ZNF609: variants seen among roughly 807,000 people sequenced by gnomAD.
ZNF609 encodes the protein zinc finger protein 609.
Under a neutral mutation model 109.5 loss-of-function variants are expected in ZNF609, and 11 were observed. The ratio of observed to expected loss-of-function variants is 0.10; its 90% CI spans 0.06 to 0.17. The LOEUF (loss-of-function observed/expected upper bound fraction) is 0.17. Ranked by LOEUF, ZNF609 falls within the 10% of genes least tolerant of loss-of-function variation. The pLI is 1.00. For synonymous variants in ZNF609, 646 were observed against 662.0 expected (o/e 0.98, Z 0.37); for missense variants, 1,559 against 1,772.4 (o/e 0.88, Z 2.16).
rs914624653 is a variant in ZNF609 at position 64,682,140 on chromosome 15, C to T, written c.*454C>T. 1.3e-5 allele frequency: 2 copies of T among 152,418 alleles called. No individual in the cohort carries two copies. The highest frequency in any genetic ancestry group is 4.8e-5 in the African/African-American group (2 of 41,396). The allele number at this position is 152,418 out of a possible 1,614,324, so 9.4% of individuals were successfully genotyped here. On this transcript the variant is annotated 3_prime_UTR_variant, in exon 10 of 10. Transcript: ENST00000326648. ...GACAGCACAGCAGCCATACCCCTCACCATCATTACCACCATCACCAGATTC... is the reference window on the plus strand; with the variant it reads ...GACAGCACAGCAGCCATACCCCTCATCATCATTACCACCATCACCAGATTC...
At chr15:64,468,541 T>G (rs377464857) in intron 1 of ZNF609, among the ~76,000 whole-genome samples, 1 of 152,082 alleles carries the variant, frequency 6.6e-6, no homozygotes, top group African/African-American at 2.4e-5. Flanking sequence ...CATGAGCCAC[T>G]GTGACCAGCC....
At chr15:64,512,574 G>A (rs570333525) in intron 2 of ZNF609, among the ~76,000 whole-genome samples, 99 of 152,246 alleles carry the variant, frequency 6.5e-4, no homozygotes, top group African/African-American at 2.3e-3. Context: ...TGCATTCAAA[G>A]TAAACATGCT....
At chr15:64,490,863 T>C (rs1893403501) in intron 1 of ZNF609, among the ~76,000 whole-genome samples, 1 of 152,182 alleles carries the variant, frequency 6.6e-6, no homozygotes. Context: ...ATGAAACAGG[T>C]CAAGCCTTGT....
At chr15:64,611,788 C>A (rs1595738724) in intron 2 of ZNF609, among the ~76,000 whole-genome samples, 2 of 151,220 alleles carry the variant, frequency 1.3e-5, no homozygotes, top group African/African-American at 4.9e-5. Flanking sequence ...GGCTGGAGTG[C>A]AGTGGCGCAA....
Position 64,540,988 on chromosome 15 carries a change from A to C in ZNF609, c.747+40822A>C, listed in dbSNP as rs562376207. Among the ~76,000 whole-genome samples, 3 of 142,698 alleles carry C rather than the reference A, an allele frequency of 2.1e-5. No homozygotes were observed. The Admixed American group carries it at 2.1e-4, about 10-fold the overall frequency. 93.6% of individuals were successfully genotyped at this position (142,698 alleles called of 152,430 possible). On this transcript the variant is annotated intron_variant, in intron 2 of 9. Coordinates refer to ENST00000326648, the MANE Select transcript of ZNF609 (RefSeq NM_015042.2). ...GCTTGCAGTGAGCCGGGATCGCGCC[A>C]CTGCACTCCAGCCTGGGCGACAGAG...
intron 4 of ZNF609, among the ~76,000 whole-genome samples, chr15:64,672,396 G>C (rs1472214082): frequency 2.0e-5 from 3 of 149,910 alleles, no homozygotes; most frequent in African/African-American, 2.4e-5. Context: ...AGGCTGAGGC[G>C]GGTGGATCAC....
chr15:64,565,788 T>A (rs1276278699), intron 2 of ZNF609, among the ~76,000 whole-genome samples: 2 of 152,232 alleles, frequency 1.3e-5, no homozygotes, highest in East Asian at 3.8e-4. Flanking sequence ...GAGTACTTAC[T>A]TTACACTGAC....
At chr15:64,670,004 A>G (rs1431895348) in intron 3 of ZNF609, among the ~76,000 whole-genome samples, 2 of 152,136 alleles carry the variant, frequency 1.3e-5, no homozygotes, top group East Asian at 1.9e-4. Context: ...GTGTGGTGAC[A>G]TGCTCTTGTG....
chr15:64,664,272 A>G (rs1248026464), intron 3 of ZNF609, among the ~76,000 whole-genome samples: 1 of 152,076 alleles, frequency 6.6e-6, no homozygotes, highest in Non-Finnish European at 1.5e-5. Flanking sequence ...CTAGTGCCTC[A>G]TACATGTCAT....
intron 2 of ZNF609, among the ~76,000 whole-genome samples, chr15:64,549,580 A>C (rs557785521): frequency 2.6e-5 from 4 of 152,294 alleles, no homozygotes; most frequent in Admixed American, 1.3e-4. Flanking sequence ...TGAGACATAG[A>C]GCAGTTAGGT....
At position 64,681,383 on chromosome 15, in the gene ZNF609, G is replaced by T; in HGVS notation, c.*1G>T. 1.2e-6 allele frequency: 2 copies of T among 1,613,570 alleles called. No individual in the cohort carries two copies. The highest frequency in any genetic ancestry group is 1.7e-6 in the Non-Finnish European group (2 of 1,179,634). ...ACTCTACCCACCCCCCAGGAGGTGAGAATGGTAAGTCACTTTTATTAATTT... is the reference window on the plus strand; with the variant it reads ...ACTCTACCCACCCCCCAGGAGGTGATAATGGTAAGTCACTTTTATTAATTT... On this transcript the variant is annotated 3_prime_UTR_variant, in exon 9 of 10. Coordinates refer to ENST00000326648, the MANE Select transcript of ZNF609 (RefSeq NM_015042.2).
chr15:64,462,860 GATT>G (rs1481573895), intron 1 of ZNF609, among the ~76,000 whole-genome samples: 3 of 152,218 alleles, frequency 2.0e-5, no homozygotes, highest in Non-Finnish European at 4.4e-5. Flanking sequence ...GGGTCTTAGG[GATT>G]ATTAGTGAGA....
chr15:64,543,735 C>T (rs761111524), intron 2 of ZNF609, among the ~76,000 whole-genome samples: 3 of 152,166 alleles, frequency 2.0e-5, no homozygotes, highest in Non-Finnish European at 2.9e-5. Context: ...TAAGCCACCA[C>T]GCTCAGCCTC....
intron 2 of ZNF609, among the ~76,000 whole-genome samples, chr15:64,535,374 G>A (rs1479667000): frequency 6.6e-6 from 1 of 152,174 alleles, no homozygotes; most frequent in African/African-American, 2.4e-5. Context: ...CGTACCATAT[G>A]TAACCTTCTG....
At chr15:64,621,550 C>T (rs1306019542) in intron 2 of ZNF609, among the ~76,000 whole-genome samples, 2 of 152,064 alleles carry the variant, frequency 1.3e-5, no homozygotes, top group African/African-American at 2.4e-5. Context: ...GAGGTGGGGT[C>T]TTGCTATGTT....
At chr15:64,536,478 T>C (rs1456316495) in intron 2 of ZNF609, among the ~76,000 whole-genome samples, 1 of 152,114 alleles carries the variant, frequency 6.6e-6, no homozygotes, top group Admixed American at 6.6e-5. Flanking sequence ...CGTTTCTGTA[T>C]GCAACTAGGG....
chr15:64,601,559 G>A (rs945573500), intron 2 of ZNF609, among the ~76,000 whole-genome samples: 1 of 152,162 alleles, frequency 6.6e-6, no homozygotes, highest in African/African-American at 2.4e-5. Context: ...CTTAAGCAGA[G>A]GACTACTAAA....
chr15:64,647,009 T>TATAGG (rs1470201064), intron 3 of ZNF609, among the ~76,000 whole-genome samples: 4 of 150,106 alleles, frequency 2.7e-5, no homozygotes, highest in Non-Finnish European at 5.9e-5. Flanking sequence ...ATTATCACTG[T>TATAGG]ATAGGATGTT....
chr15:64,487,146 T>C lies in ZNF609; in HGVS notation c.-127-12147T>C, dbSNP rs1893344731. The stretch of plus-strand genomic sequence containing the variant: ...TGATTTGTTTTTATATCCCTATTTC[T>C]GATTAATTTTTTTCAGACTCTCCAA... On this transcript the variant is annotated intron_variant, in intron 1 of 9. Transcript: ENST00000326648. Among the ~76,000 whole-genome samples the C allele has an allele frequency of 1.3e-5, 2 of 152,168 alleles. 1 individual carries two copies. The highest frequency in any genetic ancestry group is 1.3e-4 in the Admixed American group (2 of 15,268).
Sources: allele counts gnomAD v4.1 joint callset (sites outside exome capture counted in the v4.1 genomes callset), GRCh38; gene constraint gnomAD v4.1.1; transcripts MANE v1.5; gene names NCBI Gene and HGNC (gene_info 2026-07-23, HGNC 2026-07-21).